Variants in TSPAN11 observed in about 807,000 individuals in gnomAD.
TSPAN11 encodes tetraspanin-11.
In TSPAN11, 29 loss-of-function variants were observed where a neutral mutation model predicts 32.9. That is an observed-to-expected ratio of 0.88 (90% confidence interval 0.66 to 1.20). TSPAN11 has a LOEUF of 1.20. Ranked by LOEUF, TSPAN11 falls within the 50% of genes most tolerant of loss-of-function variation. TSPAN11 has a pLI of 0.00. For missense variants in TSPAN11, 283 were observed against 329.1 expected, an observed-to-expected ratio of 0.86 and a Z score of 1.08; for synonymous variants, 140 against 141.3, an observed-to-expected ratio of 0.99 and a Z score of 0.07.
intron 2 of TSPAN11, among the ~76,000 whole-genome samples, chr12:30,958,078 A>C: frequency 6.6e-6 from 1 of 152,092 alleles, no homozygotes. Flanking sequence ...GGGCAGGGAC[A>C]GCTCCAAGGA....
chr12:30,969,460 T>A (rs899542814), intron 3 of TSPAN11, among the ~76,000 whole-genome samples: 4 of 152,176 alleles, frequency 2.6e-5, no homozygotes, highest in Admixed American at 1.3e-4. Flanking sequence ...CCAGCGTGGC[T>A]TATGCAGTGC....
downstream of TSPAN11, among the ~76,000 whole-genome samples, chr12:31,001,391 A>G (rs1020117560): frequency 1.2e-4 from 18 of 151,956 alleles, no homozygotes; most frequent in Admixed American, 9.8e-4. Flanking sequence ...AGGTTGGGTC[A>G]CTGCCTCTCC....
At position 30,995,174 on chromosome 12, in the gene TSPAN11, A is replaced by AC. The variant is rs1461264728; in HGVS notation, c.*3263dup. On this transcript the variant is annotated 3_prime_UTR_variant, in exon 8 of 8. Coordinates refer to ENST00000546076, the MANE Select transcript of TSPAN11 (RefSeq NM_001370302.1). ...CCCGTCACCCCAGGTACAAACACTG[A>AC]CCCCAAAGCAAGAGCAGGGACTGTC... 1 of 152,328 alleles carries AC rather than the reference A, an allele frequency of 6.6e-6. No individual in the cohort carries two copies. The highest frequency in any genetic ancestry group is 1.9e-4 in the East Asian group (1 of 5,176). 9.4% of individuals were successfully genotyped at this position (152,328 alleles called of 1,614,324 possible). A position where few individuals can be genotyped will look rare whatever the true frequency, so the allele number is the denominator to read the frequency against.
At chr12:30,929,234 A>G (rs1239985435) in intron 1 of TSPAN11, among the ~76,000 whole-genome samples, 1 of 152,220 alleles carries the variant, frequency 6.6e-6, no homozygotes, top group Admixed American at 6.5e-5. Flanking sequence ...AACTCCAAGT[A>G]GAAATAATAG....
intron 3 of TSPAN11, 33 bp downstream of exon 3, chr12:30,964,050 G>A (rs375354030): frequency 8.7e-6 from 14 of 1,600,158 alleles, no homozygotes; most frequent in Non-Finnish European, 1.1e-5. Flanking sequence ...GCAGGGATGG[G>A]GAGCCCTGCA....
In TSPAN11 at chr12:30,978,543, C is replaced by T. The variant is rs759335075; in HGVS notation, c.277-18C>T. 1.9e-6 allele frequency: 3 copies of T among 1,613,696 alleles called. No homozygotes were observed. The highest frequency in any genetic ancestry group is 2.7e-5 in the African/African-American group (2 of 74,922). ...CAACCCGATCCCAGTGGTGACCGTC[C>T]TCTCTCTTTGCTGCTAGTATTTCTG... is the stretch of plus-strand genomic sequence containing the variant. On this transcript the variant is annotated intron_variant, in intron 3 of 7. Transcript: ENST00000546076.
chr12:31,007,746 CTTTAA>C, the TSPAN11 span, among the ~76,000 whole-genome samples: 2 of 152,190 alleles, frequency 1.3e-5, no homozygotes, highest in Non-Finnish European at 2.9e-5. Flanking sequence ...TTGTTTAAGG[CTTTAA>C]TTTCACAGCC....
rs1938956597 is a variant in TSPAN11, at chr12:30,975,726, AG to A, written c.277-2833del. 6.6e-6 allele frequency among the ~76,000 whole-genome samples: 1 copy of A among 150,558 alleles called. No individual in the cohort carries two copies. The highest frequency in any genetic ancestry group is 1.5e-5 in the Non-Finnish European group (1 of 67,806). On this transcript the variant is annotated intron_variant, in intron 3 of 7. Coordinates refer to ENST00000546076, the MANE Select transcript of TSPAN11 (RefSeq NM_001370302.1). The surrounding 1 kb of genome is among the most constrained non-coding windows in gnomAD (Gnocchi z 4.5). ...AGTGGCGTGACACTGCCAGCTATCCAGGAGTATCCTACGGGCCTGACTCACA... is the reference window on the plus strand; with the variant it reads ...AGTGGCGTGACACTGCCAGCTATCCAGAGTATCCTACGGGCCTGACTCACA...
intron 1 of TSPAN11, among the ~76,000 whole-genome samples, chr12:30,929,604 A>G (rs1346912497): frequency 2.0e-5 from 3 of 152,164 alleles, no homozygotes; most frequent in African/African-American, 7.2e-5. Context: ...GTTCCCAGGC[A>G]TACTTGCCCA....
chr12:30,976,145 A>T (rs1031292372), intron 3 of TSPAN11, among the ~76,000 whole-genome samples: 2 of 151,918 alleles, frequency 1.3e-5, no homozygotes, highest in Non-Finnish European at 2.9e-5. Flanking sequence ...TCCCAGGGGG[A>T]TCACACTCTG....
chr12:30,955,337 T>C (rs1938457846), intron 2 of TSPAN11: 1 of 152,234 alleles, frequency 6.6e-6, no homozygotes, highest in Non-Finnish European at 1.5e-5. Context: ...TGTGTTGATA[T>C]GGATAGTAAA....
intron 2 of TSPAN11, among the ~76,000 whole-genome samples, chr12:30,955,787 C>G (rs947187612): frequency 6.6e-6 from 1 of 152,204 alleles, no homozygotes; most frequent in Non-Finnish European, 1.5e-5. Context: ...CCGTGTGTGT[C>G]TCTGTCTTCA....
At chr12:30,926,839 G>T in intron 1 of TSPAN11, 43 bp downstream of exon 1, 1 of 892,462 alleles carries the variant, frequency 1.1e-6, no homozygotes, top group Non-Finnish European at 1.5e-6. Context: ...CGCCGCGGGA[G>T]GGGGCTGGGG....
chr12:30,967,730 A>C (rs549752656), intron 3 of TSPAN11, among the ~76,000 whole-genome samples: 4 of 123,738 alleles, frequency 3.2e-5, no homozygotes. Flanking sequence ...ACATGCACTC[A>C]GCCACCAACG....
chr12:30,951,552 C>T (rs554794376), intron 1 of TSPAN11, among the ~76,000 whole-genome samples: 11 of 152,028 alleles, frequency 7.2e-5, no homozygotes, highest in African/African-American at 2.7e-4. Flanking sequence ...GTCTAAACCT[C>T]GATTATATTA....
At chr12:30,986,074 G>A (rs552958853) in intron 7 of TSPAN11, among the ~76,000 whole-genome samples, 60 of 152,282 alleles carry the variant, frequency 3.9e-4, no homozygotes, top group African/African-American at 1.4e-3. Context: ...CTTTGAGAAA[G>A]GGCTCATACC....
At chr12:30,957,414 G>A (rs1397968902) in intron 2 of TSPAN11, among the ~76,000 whole-genome samples, 1 of 152,138 alleles carries the variant, frequency 6.6e-6, no homozygotes, top group Non-Finnish European at 1.5e-5. Context: ...CTCTAGGCCT[G>A]CTGTAGCCCA....
the TSPAN11 span, among the ~76,000 whole-genome samples, chr12:31,006,274 C>A: frequency 2.0e-5 from 3 of 152,344 alleles, no homozygotes; most frequent in East Asian, 5.8e-4. Flanking sequence ...TCAGCACCAA[C>A]CAACCAGAAG....
chr12:30,974,042 A>C (rs1370644408), intron 3 of TSPAN11, among the ~76,000 whole-genome samples: 1 of 152,206 alleles, frequency 6.6e-6, no homozygotes, highest in Non-Finnish European at 1.5e-5. Flanking sequence ...TGTGAGCTGA[A>C]GCAATATAGG....
Sources: gnomAD v4.1 joint callset for allele counts (sites outside exome capture counted in the v4.1 genomes callset) on GRCh38, gnomAD v4.1.1 for gene constraint, Gnocchi (gnomAD v3.1) non-coding constraint, MANE v1.5 for transcripts, NCBI Gene and HGNC (gene_info 2026-07-23, HGNC 2026-07-21) for gene names.